Variants in WIPI1 observed in about 807,000 individuals in gnomAD.
WIPI1 encodes WD repeat domain, phosphoinositide interacting 1, also known as WD repeat domain phosphoinositide-interacting protein 1.
WIPI1 carries 45 observed loss-of-function variants against 55.3 expected under a neutral mutation model. The observed-to-expected ratio is 0.81, with a 90% confidence interval of 0.64 to 1.04. The LOEUF (loss-of-function observed/expected upper bound fraction) is 1.04. Among genes scored for constraint, WIPI1 ranks in the 50% least tolerant of loss-of-function variants. The pLI, the probability that WIPI1 is intolerant of heterozygous loss-of-function variation, is 0.00. For synonymous variants in WIPI1, 195 were observed against 217.6 expected, an observed-to-expected ratio of 0.90 and a Z score of 0.92; for missense variants, 445 against 559.0, an observed-to-expected ratio of 0.80 and a Z score of 2.06.
intron 12 of WIPI1, among the ~76,000 whole-genome samples, chr17:68,425,075 G>A (rs1277569231): frequency 8.5e-5 from 13 of 152,188 alleles, no homozygotes; most frequent in Non-Finnish European, 1.9e-4. Flanking sequence ...AAGAAGCCAC[G>A]CCCAGCACTC....
chr17:68,423,858 T>C lies in WIPI1; in HGVS notation c.1294-2038A>G, dbSNP rs1288237264. On this transcript the variant is annotated intron_variant, in intron 12 of 12. Transcript: ENST00000262139. The surrounding 1 kb of genome is among the most constrained non-coding windows in gnomAD (Gnocchi z 4.4). ...CCCCAATTCTGTAACTATAAGAGGT[T>C]GCAAGGCTTACTGCGATTACAATTA... Among the ~76,000 whole-genome samples the C allele has an allele frequency of 6.6e-6, 1 of 152,236 alleles. No individual in the cohort carries two copies. The highest frequency in any genetic ancestry group is 1.5e-5 in the Non-Finnish European group (1 of 68,040).
At chr17:68,434,762 C>G in intron 6 of WIPI1, 136 bp from the exon 7 acceptor site, 1 of 810,362 alleles carries the variant, frequency 1.2e-6, no homozygotes, top group Non-Finnish European at 1.9e-6. Flanking sequence ...AGCATAGAGG[C>G]ATGTTTATTT....
At position 68,437,554 on chromosome 17, in the gene WIPI1, G is replaced by GA. The variant is rs1385486704; in HGVS notation, c.431-1076dup. On this transcript the variant is annotated intron_variant, in intron 4 of 12. Coordinates refer to ENST00000262139, the MANE Select transcript of WIPI1 (RefSeq NM_017983.7). Reference sequence around the variant, plus strand: ...GGGTGAGAGTGAGGTTCTGTCTTAAGAAAAAAAAAAAAAGAAACCGAGCAA... The same window carrying GA: ...GGGTGAGAGTGAGGTTCTGTCTTAAGAAAAAAAAAAAAAAGAAACCGAGCAA... Among the ~76,000 whole-genome samples, 1,097 of 133,096 alleles carry GA rather than the reference G, an allele frequency of 8.2e-3. 12 individuals carry two copies. The highest frequency in any genetic ancestry group is 0.023 in the African/African-American group (850 of 36,600). 87.3% of individuals were successfully genotyped at this position (133,096 alleles called of 152,430 possible). A position where few individuals can be genotyped will look rare whatever the true frequency, so the allele number is the denominator to read the frequency against.
chr17:68,431,543 G>T (rs1409453895), intron 8 of WIPI1, among the ~76,000 whole-genome samples: 1 of 152,180 alleles, frequency 6.6e-6, no homozygotes, highest in East Asian at 1.9e-4. Context: ...GGTGTCTGAG[G>T]AGGAGGTGTC....
At chr17:68,451,809 G>A (rs1406768024) in intron 2 of WIPI1, among the ~76,000 whole-genome samples, 1 of 152,144 alleles carries the variant, frequency 6.6e-6, no homozygotes, top group African/African-American at 2.4e-5. Context: ...AAGTACTTCT[G>A]TACTCAGGAA....
At chr17:68,436,306 C>T (rs2147883765) in intron 5 of WIPI1, 76 bp downstream of exon 5, 6 of 1,358,000 alleles carry the variant, frequency 4.4e-6, no homozygotes, top group Non-Finnish European at 6.3e-6. Context: ...GACGGCAGGG[C>T]GTCCTTATCT....
At chr17:68,438,738 T>A (rs936519212) in intron 4 of WIPI1, among the ~76,000 whole-genome samples, 1 of 152,178 alleles carries the variant, frequency 6.6e-6, no homozygotes, top group Non-Finnish European at 1.5e-5. Context: ...GTAGCTGGGA[T>A]TACAGGCGTG....
Position 68,457,226 on chromosome 17 carries a change from G to A in WIPI1, c.80+116C>T, listed in dbSNP as rs1600397125. The A allele has an allele frequency of 4.0e-6, 5 of 1,263,192 alleles. No homozygotes were observed. The South Asian group carries it at 5.4e-5, about 14-fold the overall frequency. The allele number at this position is 1,263,192 out of a possible 1,614,324, so 78.2% of individuals were successfully genotyped here. ...TCCCAATGCGTCCGAAGCAGACACC[G>A]GCCCTCCCGCCGAGGCCGCCTCGAG... On this transcript the variant is annotated intron_variant, in intron 1 of 12. Coordinates refer to ENST00000262139, the MANE Select transcript of WIPI1 (RefSeq NM_017983.7).
Position 68,428,803 on chromosome 17 carries a change from TGTCTTTTGAAAAGCA to T in WIPI1, c.1073+11_1073+25del, listed in dbSNP as rs777558179. On this transcript the variant is annotated intron_variant, in intron 10 of 12. Coordinates refer to ENST00000262139, the MANE Select transcript of WIPI1 (RefSeq NM_017983.7). ...TCTACACGACCAGCTCTCGAAAGGCTGTCTTTTGAAAAGCAGTCTCTTCACCTGTGGGTTTTGATT... is the reference window on the plus strand; with the variant it reads ...TCTACACGACCAGCTCTCGAAAGGCTGTCTCTTCACCTGTGGGTTTTGATT... 127 of 1,566,872 alleles carry T rather than the reference TGTCTTTTGAAAAGCA, an allele frequency of 8.1e-5. No homozygotes were observed. The South Asian group carries it at 1.2e-3, about 15-fold the overall frequency.
At chr17:68,426,251 G>C in intron 11 of WIPI1, 76 bp from the exon 12 acceptor site, 1 of 825,458 alleles carries the variant, frequency 1.2e-6, no homozygotes, top group Non-Finnish European at 1.9e-6. Flanking sequence ...GTGGGGAGCG[G>C]GGGCTCAAAT....
intron 8 of WIPI1, among the ~76,000 whole-genome samples, chr17:68,432,612 C>T (rs971017837): frequency 1.3e-5 from 2 of 152,100 alleles, no homozygotes; most frequent in East Asian, 1.9e-4. Flanking sequence ...ATAAGGTGCC[C>T]GGCCTCTGTT....
intron 12 of WIPI1, 174 bp from the exon 13 acceptor site, chr17:68,421,994 G>A (rs146849453): frequency 7.2e-6 from 5 of 694,828 alleles, no homozygotes; most frequent in South Asian, 6.5e-5. Flanking sequence ...TTATTTAGGT[G>A]TAGACAAGTA....
chr17:68,427,165 G>A lies in WIPI1; in HGVS notation c.1162C>T (p.Pro388Ser). Residue 388 changes from proline to serine, a missense_variant, in exon 11 of 13, where the codon CCA (proline) becomes TCA (serine). Physicochemically the swap from Pro to Ser is moderately conservative, Grantham distance 74. Transcript: ENST00000262139. ...PQSYAATVAR[P>S]SASSASTVPG... ...ACCGTGGAGGCTGAAGATGCACTTGGTCTGGCTACGGTCGCTGCATAAGAC... is the reference window on the plus strand; with the variant it reads ...ACCGTGGAGGCTGAAGATGCACTTGATCTGGCTACGGTCGCTGCATAAGAC... 1 of 1,614,128 alleles carries A rather than the reference G, an allele frequency of 6.2e-7. No individual in the cohort carries two copies. Among genetic ancestry groups the A allele is most frequent in the Non-Finnish European group, 8.5e-7 (1 of 1,180,000 alleles).
Position 68,423,308 on chromosome 17 carries a change from A to G in WIPI1, c.1294-1488T>C, listed in dbSNP as rs1177280782. ...TTCAGGCATGACTGAGATGGGCCAT[A>G]TTGATAGAGCATCCCAGGAGCATGC... is the stretch of plus-strand genomic sequence containing the variant. On this transcript the variant is annotated intron_variant, in intron 12 of 12. Coordinates refer to ENST00000262139, the MANE Select transcript of WIPI1 (RefSeq NM_017983.7). The surrounding 1 kb of genome is among the most constrained non-coding windows in gnomAD (Gnocchi z 4.4). Among the ~76,000 whole-genome samples the G allele has an allele frequency of 6.6e-6, 1 of 152,186 alleles. No homozygotes were observed. The highest frequency in any genetic ancestry group is 1.5e-5 in the Non-Finnish European group (1 of 68,032).
chr17:68,426,253 G>GGC (rs1555798492), intron 11 of WIPI1, 78 bp from the exon 12 acceptor site: 3 of 840,900 alleles, frequency 3.6e-6, no homozygotes, highest in Admixed American at 2.3e-5. Context: ...GGGGAGCGGG[G>GGC]GCTCAAATAA....
At chr17:68,451,958 A>T (rs748153849) in intron 2 of WIPI1, among the ~76,000 whole-genome samples, 8 of 152,244 alleles carry the variant, frequency 5.3e-5, no homozygotes, top group Non-Finnish European at 8.8e-5. Context: ...AGAGCAAAAA[A>T]TTCACAAAAA....
At chr17:68,447,694 A>G (rs1302337921) in intron 3 of WIPI1, among the ~76,000 whole-genome samples, 2 of 152,124 alleles carry the variant, frequency 1.3e-5, no homozygotes, top group Admixed American at 6.6e-5. Flanking sequence ...CTATATACTT[A>G]GAAAAAAGGG....
chr17:68,439,270 T>C (rs2083970946), intron 4 of WIPI1, among the ~76,000 whole-genome samples: 2 of 152,242 alleles, frequency 1.3e-5, no homozygotes, highest in Non-Finnish European at 2.9e-5. Flanking sequence ...AAATGTGATA[T>C]ATTTTTATAA....
chr17:68,427,056 A>G lies in WIPI1; in HGVS notation c.1192+79T>C, dbSNP rs1246487955. Reference sequence around the variant, plus strand: ...CACCCCCAGGTAACAGTGAAGGGGGAAGGGGAGGGAGCGTGCAGGGAGAAG... The same window carrying G: ...CACCCCCAGGTAACAGTGAAGGGGGGAGGGGAGGGAGCGTGCAGGGAGAAG... On this transcript the variant is annotated intron_variant, in intron 11 of 12. Coordinates refer to ENST00000262139, the MANE Select transcript of WIPI1 (RefSeq NM_017983.7). 13 of 1,185,008 alleles carry G rather than the reference A, an allele frequency of 1.1e-5. No individual in the cohort carries two copies. In the African/African-American group the frequency reaches 1.4e-4, roughly 12 times the overall value. 73.4% of individuals were successfully genotyped at this position (1,185,008 alleles called of 1,614,324 possible).
Sources: allele counts gnomAD v4.1 joint callset (sites outside exome capture counted in the v4.1 genomes callset), GRCh38; gene constraint gnomAD v4.1.1; non-coding constraint Gnocchi (gnomAD v3.1); transcripts MANE v1.5; gene names NCBI Gene and HGNC (gene_info 2026-07-23, HGNC 2026-07-21).